Variants in CPNE4 observed in about 807,000 individuals in gnomAD.
CPNE4 encodes copine 4.
CPNE4 carries 25 observed loss-of-function variants against 67.9 expected under a neutral mutation model. The ratio of observed to expected loss-of-function variants is 0.37; its 90% CI spans 0.27 to 0.51. The LOEUF (loss-of-function observed/expected upper bound fraction) is 0.51. CPNE4 is among the 20% of genes least tolerant of loss of function. CPNE4 has a pLI of 0.93. For synonymous variants in CPNE4, 242 were observed against 244.9 expected (o/e 0.99, Z 0.11); for missense variants, 464 against 690.8 (o/e 0.67, Z 3.68).
chr3:131,583,652 C>T (rs1937985274), intron 8 of CPNE4, among the ~76,000 whole-genome samples: 1 of 152,166 alleles, frequency 6.6e-6, no homozygotes. Flanking sequence ...CAGGAGAGGG[C>T]TCCAAGGAAG....
At chr3:131,914,229 C>A (rs1282155382) in intron 1 of CPNE4, among the ~76,000 whole-genome samples, 1 of 152,140 alleles carries the variant, frequency 6.6e-6, no homozygotes, top group Non-Finnish European at 1.5e-5. Flanking sequence ...GAACCCAGGA[C>A]CTCCAAATAC....
intron 2 of CPNE4, among the ~76,000 whole-genome samples, chr3:131,771,385 G>A (rs1338641461): frequency 6.6e-6 from 1 of 152,072 alleles, no homozygotes; most frequent in African/African-American, 2.4e-5. Context: ...CCTAATGTGA[G>A]GTGTTTTGGT....
At chr3:132,008,405 T>A (rs968387561) in intron 1 of CPNE4, among the ~76,000 whole-genome samples, 1 of 152,220 alleles carries the variant, frequency 6.6e-6, no homozygotes, top group Non-Finnish European at 1.5e-5. Flanking sequence ...TAATACATTA[T>A]TTCTAACCTT....
At chr3:131,964,234 T>A (rs2072272938) in intron 1 of CPNE4, among the ~76,000 whole-genome samples, 1 of 151,928 alleles carries the variant, frequency 6.6e-6, no homozygotes, top group East Asian at 1.9e-4. Flanking sequence ...GCATCAAAGA[T>A]CAAAGGTAGA....
At chr3:131,722,855 T>C (rs1382923505) in intron 3 of CPNE4, among the ~76,000 whole-genome samples, 2 of 152,236 alleles carry the variant, frequency 1.3e-5, no homozygotes, top group Non-Finnish European at 2.9e-5. Flanking sequence ...CTAACACTGC[T>C]ACTTATTAGG....
Position 131,903,224 on chromosome 3 carries a change from A to G in CPNE4, c.180+2040T>C, listed in dbSNP as rs908322008. ...AGGCTTAAAGAATTTGGTCCAAGGGATCCAAAACAGGTCTATTTGTGCTCT... is the reference window on the plus strand; with the variant it reads ...AGGCTTAAAGAATTTGGTCCAAGGGGTCCAAAACAGGTCTATTTGTGCTCT... On this transcript the variant is annotated intron_variant, in intron 2 of 15. Transcript: ENST00000429747. Among the ~76,000 whole-genome samples, 3 of 152,082 alleles carry G rather than the reference A, an allele frequency of 2.0e-5. No individual in the cohort carries two copies. In the East Asian group the frequency reaches 5.8e-4, roughly 29 times the overall value.
chr3:131,816,174 G>A (rs1017690705), intron 2 of CPNE4, among the ~76,000 whole-genome samples: 3 of 152,128 alleles, frequency 2.0e-5, no homozygotes, highest in Admixed American at 6.5e-5. Flanking sequence ...AATTATATGT[G>A]CTTCTATGAG....
chr3:131,950,029 T>A (rs921077804), intron 1 of CPNE4, among the ~76,000 whole-genome samples: 2 of 152,172 alleles, frequency 1.3e-5, no homozygotes, highest in African/African-American at 2.4e-5. Context: ...ATGATATATA[T>A]AATAAATTCT....
At chr3:131,659,259 G>A (rs1212832530) in intron 7 of CPNE4, among the ~76,000 whole-genome samples, 1 of 152,132 alleles carries the variant, frequency 6.6e-6, no homozygotes, top group Non-Finnish European at 1.5e-5. Flanking sequence ...ATTGCACTGG[G>A]GGATTCTCAG....
At chr3:131,615,057 C>G (rs1304939412) in intron 7 of CPNE4, among the ~76,000 whole-genome samples, 1 of 152,106 alleles carries the variant, frequency 6.6e-6, no homozygotes, top group Non-Finnish European at 1.5e-5. Flanking sequence ...TCTGGACCCA[C>G]CCACAAAGTT....
intron 1 of CPNE4, among the ~76,000 whole-genome samples, chr3:131,913,525 C>A (rs568637327): frequency 1.3e-5 from 2 of 152,242 alleles, no homozygotes; most frequent in African/African-American, 4.8e-5. Context: ...ACGCAAGACC[C>A]CAGAAGAGTG....
rs2088051295 is a variant in CPNE4, at chr3:131,890,165, T to C, written c.180+15099A>G. Reference sequence around the variant, plus strand: ...TGAAAAGGGAATCTATGATATGTGATAAAATATTTGTAAATCATATATCTA... The same window carrying C: ...TGAAAAGGGAATCTATGATATGTGACAAAATATTTGTAAATCATATATCTA... On this transcript the variant is annotated intron_variant, in intron 2 of 15. Coordinates refer to ENST00000429747, the MANE Select transcript of CPNE4 (RefSeq NM_130808.3). 3.9e-5 allele frequency among the ~76,000 whole-genome samples: 6 copies of C among 152,068 alleles called. No individual in the cohort carries two copies. The South Asian group carries it at 1.2e-3, about 32-fold the overall frequency.
chr3:131,738,789 C>G (rs1016358521), intron 2 of CPNE4, among the ~76,000 whole-genome samples: 50 of 151,600 alleles, frequency 3.3e-4, no homozygotes, highest in Non-Finnish European at 6.2e-4. Context: ...TTTCTTGATT[C>G]AATGCAAATG....
chr3:131,747,322 C>T (rs1209626827), intron 2 of CPNE4, among the ~76,000 whole-genome samples: 1 of 151,810 alleles, frequency 6.6e-6, no homozygotes, highest in Admixed American at 6.6e-5. Context: ...GTTGTCTGTG[C>T]TTTTGAGGTT....
At chr3:132,017,052 C>T (rs1282929652) in intron 1 of CPNE4, among the ~76,000 whole-genome samples, 2 of 151,988 alleles carry the variant, frequency 1.3e-5, no homozygotes, top group Non-Finnish European at 2.9e-5. Flanking sequence ...AAAGAAGGAG[C>T]TGGGGAAAGG....
upstream of CPNE4, chr3:132,037,707 G>T: frequency 9.8e-7 from 1 of 1,019,284 alleles, no homozygotes; most frequent in Non-Finnish European, 1.5e-6. Flanking sequence ...CACTCGCCGG[G>T]TTTCTGTTTG....
intron 1 of CPNE4, among the ~76,000 whole-genome samples, chr3:131,930,826 T>C (rs1295086588): frequency 1.3e-5 from 2 of 152,100 alleles, no homozygotes; most frequent in African/African-American, 2.4e-5. Context: ...ACTTATTGAA[T>C]AGTGGGGAGC....
chr3:131,889,850 T>A (rs1284312276), intron 2 of CPNE4, among the ~76,000 whole-genome samples: 6 of 152,118 alleles, frequency 3.9e-5, no homozygotes, highest in African/African-American at 9.7e-5. Context: ...AGAAGGATAG[T>A]CTCTTCAATA....
intron 2 of CPNE4, among the ~76,000 whole-genome samples, chr3:131,821,101 G>A (rs72987737): frequency 0.032 from 4,802 of 152,232 alleles, 179 homozygotes; most frequent in South Asian, 0.095. Flanking sequence ...AAAACTGAAG[G>A]AGGAGGAGGA....
Sources: allele counts gnomAD v4.1 joint callset (sites outside exome capture counted in the v4.1 genomes callset), GRCh38; gene constraint gnomAD v4.1.1; transcripts MANE v1.5; gene names NCBI Gene and HGNC (gene_info 2026-07-23, HGNC 2026-07-21).